Variants in SRSF5 observed in about 807,000 individuals in gnomAD.
SRSF5 encodes the protein serine and arginine rich splicing factor 5, also known as serine/arginine-rich splicing factor 5.
In SRSF5, 5 loss-of-function variants were observed where a neutral mutation model predicts 34.0. The ratio of observed to expected loss-of-function variants is 0.15; its 90% CI spans 0.08 to 0.31. The LOEUF is 0.31. Among genes scored for constraint, SRSF5 ranks in the 10% least tolerant of loss-of-function variants. The pLI is 1.00. For missense variants in SRSF5, 223 were observed against 351.4 expected (o/e 0.63, Z 2.92); for synonymous variants, 164 against 117.7 (o/e 1.39, Z -2.55).
In SRSF5 at chr14:69,769,203, A is replaced by T; in HGVS notation, c.318A>T (p.Thr106=). Residue 106 remains threonine (T), a synonymous_variant, in exon 5 of 8, where the codon ACA becomes ACT. Transcript: ENST00000557154. ...TCAGAAATGCTCCACCTGTAAGAAC[A>T]GAAAATCGTCTTATAGTTGAGAATT... ...NDRRNAPPVR[T]ENRLIVENLS... 1.2e-6 allele frequency: 2 copies of T among 1,614,220 alleles called. No individual in the cohort carries two copies. Among genetic ancestry groups the T allele is most frequent in the Non-Finnish European group, 1.7e-6 (2 of 1,180,042 alleles).
At position 69,769,003 on chromosome 14, in the gene SRSF5, C is replaced by A. The variant is rs777922589; in HGVS notation, c.296+107C>A. 3.0e-6 allele frequency: 4 copies of A among 1,322,744 alleles called. No homozygotes were observed. The African/African-American group carries it at 4.4e-5, about 14-fold the overall frequency. 81.9% of individuals were successfully genotyped at this position (1,322,744 alleles called of 1,614,324 possible). ...TTTGGGTCCTGCCGTATAATCTGTT[C>A]TTCTATTCCCACGTTAGCCAGTTGT... On this transcript the variant is annotated intron_variant, in intron 4 of 7. Transcript: ENST00000557154.
chr14:69,770,198 T>C (rs1883034579), intron 5 of SRSF5: 2 of 1,142,526 alleles, frequency 1.8e-6, no homozygotes, highest in East Asian at 9.3e-5. Context: ...TTTTTTTCTT[T>C]TGTACTGAGC....
At chr14:69,767,486 C>T (rs1882608338) in intron 1 of SRSF5, 1 of 456,028 alleles carries the variant, frequency 2.2e-6, no homozygotes. Flanking sequence ...GTGCGCCCGT[C>T]CCTGCCAGTC....
At chr14:69,767,583 C>A in intron 1 of SRSF5, 1 of 453,808 alleles carries the variant, frequency 2.2e-6, no homozygotes. Flanking sequence ...TTTTGTAGGG[C>A]GGCCGCAGTG....
intron 1 of SRSF5, chr14:69,767,875 G>A (rs1882718155): frequency 2.3e-6 from 1 of 427,402 alleles, no homozygotes; most frequent in African/African-American, 2.0e-5. Flanking sequence ...GGAGAGCCCG[G>A]AGAGTGTGCG....
chr14:69,768,228 C>T lies in SRSF5; in HGVS notation c.72C>T (p.Phe24=). 6.2e-7 allele frequency: 1 copy of T among 1,614,178 alleles called. No homozygotes were observed. The highest frequency in any genetic ancestry group is 8.5e-7 in the Non-Finnish European group (1 of 1,180,042). Residue 24 remains phenylalanine (F), a synonymous_variant, in exon 2 of 8, where the codon TTC becomes TTT. Coordinates refer to ENST00000557154, the MANE Select transcript of SRSF5 (RefSeq NM_001320214.2). ...AAREKDVERF[F]KGYGRIRDID... ...GGGAGAAGGACGTGGAAAGATTCTT[C>T]AAGGGATATGGACGGATAAGAGATA...
At chr14:69,767,978 T>A (rs1437245582) in intron 1 of SRSF5, 160 bp from the exon 2 acceptor site, 1 of 733,496 alleles carries the variant, frequency 1.4e-6, no homozygotes, top group East Asian at 2.8e-5. Flanking sequence ...GGTTTTCATT[T>A]TGTCTGCAGG....
Position 69,768,024 on chromosome 14 carries a change from C to A in SRSF5, c.-19-114C>A, listed in dbSNP as rs183756008. 1.1e-4 allele frequency: 138 copies of A among 1,218,096 alleles called. 1 individual carries two copies. Among genetic ancestry groups the A allele is most frequent in the Admixed American group, 8.2e-4 (35 of 42,794 alleles). 75.5% of individuals were successfully genotyped at this position (1,218,096 alleles called of 1,614,324 possible). A position where few individuals can be genotyped will look rare whatever the true frequency, so the allele number is the denominator to read the frequency against. On this transcript the variant is annotated intron_variant, in intron 1 of 7. Transcript: ENST00000557154. ...TCATTAGAGGCTCTGTTGGCAATCT[C>A]GTTCATAACATCACTGTGTAAACAT... is the stretch of plus-strand genomic sequence containing the variant.
At chr14:69,770,801 C>A in intron 6 of SRSF5, 194 bp from the exon 7 acceptor site, 1 of 651,224 alleles carries the variant, frequency 1.5e-6, no homozygotes, top group Non-Finnish European at 2.6e-6. Context: ...GCATAGGGAA[C>A]CCCCTCAACA....
At chr14:69,769,612 TC>T (rs1351432245) in intron 5 of SRSF5, 1 of 1,535,206 alleles carries the variant, frequency 6.5e-7, no homozygotes, top group East Asian at 2.4e-5. Flanking sequence ...GCCAGTCAGC[TC>T]CTACAGTGAT....
chr14:69,770,979 C>G lies in SRSF5; in HGVS notation c.441-16C>G, dbSNP rs1594754423. On this transcript the variant is annotated splice_polypyrimidine_tract_variant and intron_variant, in intron 6 of 7. Transcript: ENST00000557154. ...CAGGATGTATATACTTTAAAAGTGGCTGTTTTCCATTTTAGGGTGGTTGAG... is the reference window on the plus strand; with the variant it reads ...CAGGATGTATATACTTTAAAAGTGGGTGTTTTCCATTTTAGGGTGGTTGAG... The G allele has an allele frequency of 1.2e-6, 2 of 1,602,914 alleles. No individual in the cohort carries two copies. The highest frequency in any genetic ancestry group is 1.7e-6 in the Non-Finnish European group (2 of 1,173,738).
chr14:69,771,925 G>GC lies in SRSF5; in HGVS notation c.*464_*465insC. On this transcript the variant is annotated 3_prime_UTR_variant, in exon 8 of 8. Coordinates refer to ENST00000557154, the MANE Select transcript of SRSF5 (RefSeq NM_001320214.2). The stretch of plus-strand genomic sequence containing the variant: ...TTTGTTTTCCTTGTTAGGGTCAAGG[G>GC]TGTCCTCCACTCTTTAACAGCTGCT... The GC allele has an allele frequency of 6.2e-6, 1 of 161,588 alleles. No homozygotes were observed. Among genetic ancestry groups the GC allele is most frequent in the Non-Finnish European group, 1.4e-5 (1 of 73,454 alleles). The allele number at this position is 161,588 out of a possible 1,614,324, so 10.0% of individuals were successfully genotyped here. A position where few individuals can be genotyped will look rare whatever the true frequency, so the allele number is the denominator to read the frequency against.
rs1367224838 is a variant in SRSF5, at chr14:69,771,225, A to G, written c.583A>G (p.Arg195Gly). The G allele has an allele frequency of 6.2e-7, 1 of 1,614,208 alleles. No individual in the cohort carries two copies. The highest frequency in any genetic ancestry group is 8.5e-7 in the Non-Finnish European group (1 of 1,180,044). ...RSRSRSRSRT[R>G]SSSRSRSRSR... is the part of the protein sequence containing the mutation. Reference sequence around the variant, plus strand: ...AAGAAGCAGGTCTCGATCCCGGACCAGAAGTTCCTCTAGGTCTCGTAGCCG... The same window carrying G: ...AAGAAGCAGGTCTCGATCCCGGACCGGAAGTTCCTCTAGGTCTCGTAGCCG... The change falls in exon 8 of 8, where the codon AGA (arginine) becomes GGA (glycine). Residue 195 changes from arginine to glycine, a missense_variant. Transcript: ENST00000557154.
intron 5 of SRSF5, chr14:69,769,612 T>G (rs568012651): frequency 1.3e-6 from 2 of 1,535,206 alleles, no homozygotes; most frequent in South Asian, 2.4e-5. Context: ...GCCAGTCAGC[T>G]CCTACAGTGA....
rs1203290024 is a variant in SRSF5, at chr14:69,771,746, AAATTT to A, written c.*291_*295del. ...GACAGAGCTCTTTTATAACTAAAGC[AAATTT>A]AATTTTTTTGTACTAGAAAAAAATT... is the stretch of plus-strand genomic sequence containing the variant. On this transcript the variant is annotated 3_prime_UTR_variant, in exon 8 of 8. Coordinates refer to ENST00000557154, the MANE Select transcript of SRSF5 (RefSeq NM_001320214.2). 6 of 293,358 alleles carry A rather than the reference AAATTT, an allele frequency of 2.0e-5. No homozygotes were observed. Among genetic ancestry groups the A allele is most frequent in the African/African-American group, 4.4e-5 (2 of 45,754 alleles). The allele number at this position is 293,358 out of a possible 1,614,324, so 18.2% of individuals were successfully genotyped here. A position where few individuals can be genotyped will look rare whatever the true frequency, so the allele number is the denominator to read the frequency against.
chr14:69,767,533 G>C (rs1287752383), intron 1 of SRSF5: 1 of 455,886 alleles, frequency 2.2e-6, no homozygotes, highest in Non-Finnish European at 4.4e-6. Context: ...AGAATAGTGG[G>C]CCGGGATCTC....
rs1393808147 is a variant in SRSF5, at chr14:69,768,830, G to T, written c.230G>T (p.Arg77Leu). ...VTIEHARARS[R>L]GGRGRGRYSD... Reference sequence around the variant, plus strand: ...ATTGAACATGCTAGGGCTCGGTCACGAGGTGGAAGAGGTAGAGGACGATAC... The same window carrying T: ...ATTGAACATGCTAGGGCTCGGTCACTAGGTGGAAGAGGTAGAGGACGATAC... Residue 77 changes from arginine (R) to leucine (L), a missense_variant, in exon 4 of 8, where the codon CGA becomes CTA. By Grantham distance (102) the Arg-to-Leu change is moderately radical. Transcript: ENST00000557154. The T allele has an allele frequency of 6.2e-7, 1 of 1,614,226 alleles. No homozygotes were observed. Among genetic ancestry groups the T allele is most frequent in the South Asian group, 1.1e-5 (1 of 91,084 alleles).
intron 5 of SRSF5, chr14:69,770,035 TAATA>T: frequency 9.8e-7 from 1 of 1,020,296 alleles, no homozygotes; most frequent in Non-Finnish European, 1.2e-6. Flanking sequence ...AGGGAAATAA[TAATA>T]AAGGTAAAGT....
At position 69,771,180 on chromosome 14, in the gene SRSF5, T is replaced by C. The variant is rs1883158519; in HGVS notation, c.552-14T>C. ...AGAGTCTTATCTAGGCTGATTTCTT[T>C]TCATTTTTCATAGTAGGTCAAGAAG... On this transcript the variant is annotated splice_polypyrimidine_tract_variant and intron_variant, in intron 7 of 7. Coordinates refer to ENST00000557154, the MANE Select transcript of SRSF5 (RefSeq NM_001320214.2). 1.2e-6 allele frequency: 2 copies of C among 1,613,866 alleles called. No homozygotes were observed. Among genetic ancestry groups the C allele is most frequent in the African/African-American group, 1.3e-5 (1 of 74,972 alleles).
Sources: allele counts gnomAD v4.1 joint callset, GRCh38; gene constraint gnomAD v4.1.1; transcripts MANE v1.5; gene names NCBI Gene and HGNC (gene_info 2026-07-23, HGNC 2026-07-21).